Variants in MAP3K5 observed in about 807,000 individuals in gnomAD.
The protein encoded by MAP3K5 is ASK-1.
MAP3K5 carries 56 observed loss-of-function variants against 158.7 expected under a neutral mutation model. That is an observed-to-expected ratio of 0.35 (90% CI 0.28 to 0.44). The LOEUF (loss-of-function observed/expected upper bound fraction) is 0.44. Ranked by LOEUF, MAP3K5 falls within the 20% of genes least tolerant of loss-of-function variation. The probability of loss-of-function intolerance (pLI) is 1.00; values close to 1 mark genes in which losing one functional copy is unlikely to be tolerated. For missense variants in MAP3K5, 1,294 were observed against 1,674.8 expected (o/e 0.77, Z 3.97); for synonymous variants, 579 against 601.7 (o/e 0.96, Z 0.55).
chr6:136,691,313 T>C (rs569592207), intron 7 of MAP3K5, among the ~76,000 whole-genome samples: 2 of 152,258 alleles, frequency 1.3e-5, no homozygotes, highest in East Asian at 3.9e-4. Context: ...TAATTAAAAG[T>C]ATCTGGACCA....
intron 21 of MAP3K5, among the ~76,000 whole-genome samples, chr6:136,597,519 T>C (rs1231988950): frequency 6.6e-6 from 1 of 152,220 alleles, no homozygotes; most frequent in South Asian, 2.1e-4. Context: ...AGTCTCCAAC[T>C]GGCCAAACAT....
chr6:136,696,718 A>G (rs910256083), intron 5 of MAP3K5, among the ~76,000 whole-genome samples: 1 of 152,178 alleles, frequency 6.6e-6, no homozygotes, highest in African/African-American at 2.4e-5. Context: ...AAATGATATA[A>G]CCTGTTAGTG....
intron 1 of MAP3K5, among the ~76,000 whole-genome samples, chr6:136,731,830 A>T (rs188783611): frequency 6.6e-6 from 1 of 152,356 alleles, no homozygotes; most frequent in Admixed American, 6.5e-5. Flanking sequence ...AACGTTTTCC[A>T]AGGTCCATGG....
At chr6:136,781,798 C>G (rs10440881) in intron 1 of MAP3K5, among the ~76,000 whole-genome samples, 1 of 152,204 alleles carries the variant, frequency 6.6e-6, no homozygotes, top group East Asian at 1.9e-4. Context: ...TGGGAAATAT[C>G]TAGCTACAGG....
chr6:136,591,491 T>C (rs1033696617), intron 23 of MAP3K5, among the ~76,000 whole-genome samples: 3 of 152,280 alleles, frequency 2.0e-5, no homozygotes, highest in African/African-American at 7.2e-5. Context: ...TTCACATTTA[T>C]TTCAATGTAG....
intron 1 of MAP3K5, among the ~76,000 whole-genome samples, chr6:136,776,797 T>C (rs940121633): frequency 2.0e-5 from 3 of 152,182 alleles, no homozygotes; most frequent in Non-Finnish European, 4.4e-5. Flanking sequence ...CAAGTCAAAA[T>C]TGTAAGTGAC....
intron 15 of MAP3K5, 150 bp from the exon 16 acceptor site, chr6:136,614,436 A>G: frequency 1.3e-6 from 1 of 794,764 alleles, no homozygotes; most frequent in Non-Finnish European, 2.0e-6. Flanking sequence ...CCTAAGGTAA[A>G]TTCTATGAGG....
At chr6:136,576,839 C>T (rs1774642942) in intron 25 of MAP3K5, among the ~76,000 whole-genome samples, 2 of 152,100 alleles carry the variant, frequency 1.3e-5, no homozygotes, top group Admixed American at 6.5e-5. Flanking sequence ...TTTTACTATA[C>T]CTTTTGTATG....
At chr6:136,694,780 T>C (rs1476484702) in intron 6 of MAP3K5, among the ~76,000 whole-genome samples, 5 of 152,366 alleles carry the variant, frequency 3.3e-5, no homozygotes, top group South Asian at 2.1e-4. Flanking sequence ...CAAGAACTGC[T>C]TGATTTCTAC....
At chr6:136,758,427 C>A (rs1783601027) in intron 1 of MAP3K5, among the ~76,000 whole-genome samples, 1 of 152,342 alleles carries the variant, frequency 6.6e-6, no homozygotes, top group South Asian at 2.1e-4. Context: ...ATTTACACTG[C>A]ATTTATACCT....
At chr6:136,625,806 A>G (rs1041478642) in intron 14 of MAP3K5, among the ~76,000 whole-genome samples, 6 of 152,026 alleles carry the variant, frequency 3.9e-5, no homozygotes, top group African/African-American at 1.5e-4. Context: ...GTGAAAACAT[A>G]TATGACAAAT....
rs1778983236 is a variant in MAP3K5 at position 136,661,009 on chromosome 6, AATAGAAATGTTT to A, written c.1367-1643_1367-1632del. ...TCTTAACATTTCTTTGTTGTCTATG[AATAGAAATGTTT>A]TTTGAACTGGACATTCCATCTTACT... is the stretch of plus-strand genomic sequence containing the variant. On this transcript the variant is annotated intron_variant, in intron 8 of 29. Transcript: ENST00000359015. Among the ~76,000 whole-genome samples, 5 of 151,036 alleles carry A rather than the reference AATAGAAATGTTT, an allele frequency of 3.3e-5. No individual in the cohort carries two copies. In the South Asian group the frequency reaches 1.0e-3, roughly 31 times the overall value.
chr6:136,687,578 G>GA (rs555980335), intron 7 of MAP3K5, among the ~76,000 whole-genome samples: 3,332 of 151,608 alleles, frequency 0.022, 48 homozygotes, highest in Non-Finnish European at 0.037. Flanking sequence ...AAATTTACCA[G>GA]AAAAAAAACA....
chr6:136,633,097 T>G (rs1777450487), intron 14 of MAP3K5, among the ~76,000 whole-genome samples: 1 of 152,072 alleles, frequency 6.6e-6, no homozygotes, highest in Non-Finnish European at 1.5e-5. Flanking sequence ...GGAAAAGACA[T>G]TAAAGATCCT....
intron 7 of MAP3K5, among the ~76,000 whole-genome samples, chr6:136,679,895 C>T (rs1018868616): frequency 1.9e-4 from 29 of 152,000 alleles, no homozygotes; most frequent in African/African-American, 6.3e-4. Flanking sequence ...AAGTTGGAAA[C>T]GATTTAAATG....
chr6:136,580,803 C>A (rs575642686), intron 24 of MAP3K5, among the ~76,000 whole-genome samples: 86 of 151,986 alleles, frequency 5.7e-4, no homozygotes, highest in South Asian at 2.5e-3. Context: ...ATTACTTCTT[C>A]TTATTATTAT....
chr6:136,735,918 C>T (rs1355618450), intron 1 of MAP3K5, among the ~76,000 whole-genome samples: 3 of 152,004 alleles, frequency 2.0e-5, no homozygotes, highest in Admixed American at 1.3e-4. Flanking sequence ...TGTATGCATT[C>T]CTTATCAAAA....
intron 14 of MAP3K5, among the ~76,000 whole-genome samples, chr6:136,630,987 T>C (rs189400276): frequency 1.1e-3 from 160 of 152,240 alleles, no homozygotes; most frequent in Admixed American, 4.8e-3. Context: ...TAGTCCCAGC[T>C]ACTCAGAAGG....
chr6:136,638,874 C>A (rs1057405336), intron 13 of MAP3K5, among the ~76,000 whole-genome samples: 1 of 152,228 alleles, frequency 6.6e-6, no homozygotes, highest in Non-Finnish European at 1.5e-5. Flanking sequence ...CTTTCACCTA[C>A]ACTTTGGCTT....
Sources: allele counts gnomAD v4.1 joint callset (sites outside exome capture counted in the v4.1 genomes callset), GRCh38; gene constraint gnomAD v4.1.1; transcripts MANE v1.5; gene names NCBI Gene and HGNC (gene_info 2026-07-23, HGNC 2026-07-21).